The following DLG2 variants were observed in gnomAD, a reference collection of about 807,000 sequenced individuals.
DLG2 encodes the protein disks large homolog 2.
In DLG2, 45 loss-of-function variants were observed where a neutral mutation model predicts 132.5. The ratio of observed to expected loss-of-function variants is 0.34; its 90% confidence interval spans 0.27 to 0.44. DLG2 has a LOEUF of 0.44. DLG2 is among the 20% of genes least tolerant of loss of function. The pLI is 1.00. For missense variants in DLG2, 1,045 were observed against 1,196.9 expected (o/e 0.87, Z 1.87); for synonymous variants, 424 against 419.6 (o/e 1.01, Z -0.13).
intron 12 of DLG2, among the ~76,000 whole-genome samples, chr11:83,970,530 A>C (rs938764587): frequency 6.6e-6 from 1 of 152,218 alleles, no homozygotes; most frequent in Non-Finnish European, 1.5e-5. Flanking sequence ...TGATACTGGC[A>C]ACAGAATGTA....
intron 3 of DLG2, among the ~76,000 whole-genome samples, chr11:85,597,392 G>T (rs1358463267): frequency 1.3e-5 from 2 of 151,924 alleles, no homozygotes; most frequent in African/African-American, 4.8e-5. Context: ...AAAATTTGAT[G>T]TTTAAAAATG....
intron 4 of DLG2, among the ~76,000 whole-genome samples, chr11:85,191,158 G>GCACACACACACACA (rs531319092): frequency 8.8e-6 from 1 of 113,362 alleles, no homozygotes; most frequent in East Asian, 2.6e-4. Context: ...GCGCGCGCAC[G>GCACACACACACACA]CGCGCACACA....
chr11:85,277,371 A>T (rs2077956885), intron 4 of DLG2, among the ~76,000 whole-genome samples: 1 of 152,190 alleles, frequency 6.6e-6, no homozygotes, highest in Non-Finnish European at 1.5e-5. Flanking sequence ...AATAATAGTG[A>T]CATTTTACAG....
rs151332249 is a variant in DLG2 at position 83,801,423 on chromosome 11, C to T, written c.1723-14631G>A. Among the ~76,000 whole-genome samples, 786 of 152,284 alleles carry T rather than the reference C, an allele frequency of 5.2e-3. 6 individuals are homozygous for T. The highest frequency in any genetic ancestry group is 0.018 in the African/African-American group (742 of 41,554). On this transcript the variant is annotated intron_variant, in intron 17 of 27. Transcript: ENST00000376104. ...TCCTTGTTAGACTTTGAATGAAATT[C>T]AAACTCCTTTCCTCGGGCTCTGCCT...
intron 21 of DLG2, among the ~76,000 whole-genome samples, chr11:83,530,076 CTCTA>C (rs147946419): frequency 0.21 from 32,414 of 151,410 alleles, 3,779 homozygotes; most frequent in African/African-American, 0.27. Context: ...ATATATCCAA[CTCTA>C]TCTGTCTGTC....
At chr11:85,476,307 T>A (rs1030382890) in intron 3 of DLG2, among the ~76,000 whole-genome samples, 5 of 151,834 alleles carry the variant, frequency 3.3e-5, no homozygotes, top group African/African-American at 1.2e-4. Flanking sequence ...ACAAGTCAAG[T>A]CTGGAAGTTG....
chr11:84,318,951 G>A (rs1278510676), intron 7 of DLG2, among the ~76,000 whole-genome samples: 1 of 152,100 alleles, frequency 6.6e-6, no homozygotes, highest in Non-Finnish European at 1.5e-5. Flanking sequence ...TGAAGGAGTT[G>A]ATACACATTT....
chr11:85,316,846 G>C (rs1409935607), intron 3 of DLG2, among the ~76,000 whole-genome samples: 1 of 151,856 alleles, frequency 6.6e-6, no homozygotes, highest in African/African-American at 2.4e-5. Context: ...AGGATAAAAT[G>C]GTAAATAAAA....
chr11:83,548,144 A>T (rs1489023264), intron 19 of DLG2, among the ~76,000 whole-genome samples: 1 of 152,150 alleles, frequency 6.6e-6, no homozygotes, highest in African/African-American at 2.4e-5. Context: ...CCCTGTAGTT[A>T]TGTGAAAAGA....
chr11:84,386,683 G>A lies in DLG2; in HGVS notation c.520-135392C>T, dbSNP rs1404411883. ...GTGCCAGGTCAGGTAATATGTTGAT[G>A]CATTTTTTTCTTTGCAAATCCAATG... On this transcript the variant is annotated intron_variant, in intron 7 of 27. Coordinates refer to ENST00000376104, the MANE Select transcript of DLG2 (RefSeq NM_001142699.3). Among the ~76,000 whole-genome samples the A allele has an allele frequency of 5.3e-5, 8 of 152,162 alleles. 1 individual carries two copies. In the South Asian group the frequency reaches 1.0e-3, roughly 20 times the overall value.
At chr11:85,124,980 G>A (rs1297958016) in intron 5 of DLG2, among the ~76,000 whole-genome samples, 1 of 151,966 alleles carries the variant, frequency 6.6e-6, no homozygotes, top group African/African-American at 2.4e-5. Flanking sequence ...ACAGGCATCC[G>A]CCACCATGCC....
At chr11:85,426,382 G>A (rs1306921323) in intron 3 of DLG2, among the ~76,000 whole-genome samples, 1 of 152,136 alleles carries the variant, frequency 6.6e-6, no homozygotes, top group East Asian at 1.9e-4. Context: ...CCCCCCAGTA[G>A]GGGCAGACTG....
chr11:85,579,408 G>A (rs1397449684), intron 3 of DLG2, among the ~76,000 whole-genome samples: 2 of 151,612 alleles, frequency 1.3e-5, no homozygotes, highest in African/African-American at 4.9e-5. Context: ...TAAAAAAAAA[G>A]AGAGAGACCT....
At chr11:84,210,427 C>A (rs969238478) in intron 8 of DLG2, among the ~76,000 whole-genome samples, 3 of 149,120 alleles carry the variant, frequency 2.0e-5, no homozygotes, top group Non-Finnish European at 3.0e-5. Context: ...GGGAGATATA[C>A]CTAAGGCTAG....
intron 5 of DLG2, among the ~76,000 whole-genome samples, chr11:85,113,118 C>T (rs182922340): frequency 2.8e-4 from 43 of 152,078 alleles, no homozygotes; most frequent in Admixed American, 8.5e-4. Context: ...TGATCAATTT[C>T]TTTAAAGCAA....
At chr11:85,343,363 T>C (rs181871456) in intron 3 of DLG2, among the ~76,000 whole-genome samples, 7 of 152,318 alleles carry the variant, frequency 4.6e-5, no homozygotes, top group East Asian at 1.9e-4. Context: ...CTCCCCTATA[T>C]TTCCTCTTTG....
chr11:84,643,188 G>C (rs1358614755), intron 6 of DLG2, among the ~76,000 whole-genome samples: 1 of 152,136 alleles, frequency 6.6e-6, no homozygotes, highest in Non-Finnish European at 1.5e-5. Context: ...ACTTGGGTTG[G>C]GGGGCAGGAT....
intron 8 of DLG2, among the ~76,000 whole-genome samples, chr11:84,217,426 C>T (rs1038126289): frequency 3.9e-5 from 6 of 152,208 alleles, no homozygotes; most frequent in African/African-American, 1.2e-4. Context: ...TCTTGTCTGC[C>T]GCCAAGTGAG....
intron 7 of DLG2, among the ~76,000 whole-genome samples, chr11:84,350,178 C>A (rs1361330785): frequency 7.0e-6 from 1 of 143,234 alleles, no homozygotes; most frequent in Non-Finnish European, 1.5e-5. Flanking sequence ...ACTTCGTCCC[C>A]CCCCCCAAAA....
Sources: allele counts gnomAD v4.1 joint callset (sites outside exome capture counted in the v4.1 genomes callset), GRCh38; gene constraint gnomAD v4.1.1; transcripts MANE v1.5; gene names NCBI Gene and HGNC (gene_info 2026-07-23, HGNC 2026-07-21).